USP42: variants seen among roughly 807,000 people sequenced by gnomAD.
USP42 encodes the protein ubiquitin carboxyl-terminal hydrolase 42.
Under a neutral mutation model 113.0 loss-of-function variants are expected in USP42, and 23 were observed. The ratio of observed to expected loss-of-function variants is 0.20; its 90% CI spans 0.15 to 0.29. The LOEUF (loss-of-function observed/expected upper bound fraction) is 0.29, where lower values mean the gene tolerates loss of function less well. Among genes scored for constraint, USP42 ranks in the 10% least tolerant of loss-of-function variants. The pLI, the probability that USP42 is intolerant of heterozygous loss-of-function variation, is 1.00. For synonymous variants in USP42, 933 were observed against 699.0 expected, an observed-to-expected ratio of 1.33 and a Z score of -5.28; for missense variants, 2,174 against 1,779.8, an observed-to-expected ratio of 1.22 and a Z score of -3.99.
chr7:6,135,978 A>G (rs1161675724), intron 4 of USP42, 27 bp downstream of exon 4: 5 of 1,103,520 alleles, frequency 4.5e-6, no homozygotes, highest in Non-Finnish European at 6.3e-6. Context: ...GTAGTTTTAT[A>G]TTTGTATTTA....
intron 1 of USP42, 125 bp from the exon 2 acceptor site, chr7:6,111,000 A>T: frequency 1.1e-6 from 1 of 942,442 alleles, no homozygotes; most frequent in South Asian, 1.9e-5. Context: ...TTGTTTTTAT[A>T]TTTGAGTGAT....
chr7:6,142,566 G>C (rs1279575674), intron 7 of USP42, among the ~76,000 whole-genome samples: 1 of 152,058 alleles, frequency 6.6e-6, no homozygotes, highest in East Asian at 1.9e-4. Flanking sequence ...ATATCTTTGA[G>C]TCTTCTGTTC....
Position 6,154,239 on chromosome 7 carries a change from C to A in USP42, c.2685C>A (p.Ala895=). 2 of 1,605,302 alleles carry A rather than the reference C, an allele frequency of 1.2e-6. No individual in the cohort carries two copies. The highest frequency in any genetic ancestry group is 2.2e-5 in the South Asian group (2 of 90,648). The stretch of plus-strand genomic sequence containing the variant: ...CCCAGAGCTTGGGCGCACCCGAGGC[C>A]GCAGAGCGGCCGCCAGCTCCTGTGC... ...DPSQSLGAPE[A]AERPPAPVLD... Residue 895 remains alanine (A), a synonymous_variant, in exon 15 of 18, where the codon GCC becomes GCA. Coordinates refer to ENST00000306177, the MANE Select transcript of USP42 (RefSeq NM_032172.3).
At chr7:6,106,314 G>A (rs1395865289) in intron 1 of USP42, among the ~76,000 whole-genome samples, 1 of 152,132 alleles carries the variant, frequency 6.6e-6, no homozygotes. Flanking sequence ...CATTGTTTAC[G>A]AAGAAGCAGA....
chr7:6,131,652 G>T (rs1250671871), intron 3 of USP42, among the ~76,000 whole-genome samples: 1 of 152,090 alleles, frequency 6.6e-6, no homozygotes, highest in African/African-American at 2.4e-5. Flanking sequence ...GCAGTTGTTG[G>T]GGCTTCCAGG....
chr7:6,087,406 A>G, the USP42 span, among the ~76,000 whole-genome samples: 28 of 136,876 alleles, frequency 2.0e-4, 1 homozygote, highest in East Asian at 6.0e-3. Flanking sequence ...GTGTGATCAT[A>G]GCTCACTGTA....
chr7:6,114,668 ATATATATATATTTTTTT>A (rs1434210094), intron 2 of USP42, among the ~76,000 whole-genome samples: 3 of 38,610 alleles, frequency 7.8e-5, no homozygotes. Context: ...ATATATATAT[ATATATATATATTTTTTT>A]TTTTTTTTTT....
chr7:6,152,507 G>C (rs745311841), intron 14 of USP42, among the ~76,000 whole-genome samples: 50 of 152,144 alleles, frequency 3.3e-4, no homozygotes, highest in Non-Finnish European at 6.0e-4. Flanking sequence ...CCCCCGGCGG[G>C]TGGGAGTGCC....
chr7:6,120,442 A>G (rs367643420), intron 3 of USP42, among the ~76,000 whole-genome samples: 1 of 151,110 alleles, frequency 6.6e-6, no homozygotes, highest in African/African-American at 2.4e-5. Context: ...GGGGTTTCAC[A>G]GTGTTGGCCA....
chr7:6,151,646 T>C (rs1782057280), intron 14 of USP42, among the ~76,000 whole-genome samples: 1 of 152,190 alleles, frequency 6.6e-6, no homozygotes, highest in Non-Finnish European at 1.5e-5. Flanking sequence ...TTTTACCATG[T>C]TGGTCAGGCT....
intron 12 of USP42, among the ~76,000 whole-genome samples, chr7:6,149,153 C>T (rs1781890000): frequency 6.6e-6 from 1 of 152,124 alleles, no homozygotes; most frequent in South Asian, 2.1e-4. Context: ...TGAGTGGCGG[C>T]TGAAGCAGCC....
rs1156377878 is a variant in USP42 at position 6,154,171 on chromosome 7, G to A, written c.2617G>A (p.Val873Ile). ...SEEPCEQPLL[V>I]HPSGDHARDA... ...GGAGCCCTGCGAGCAGCCACTCCTT[G>A]TTCACCCCAGCGGGGACCACGCCCG... The change falls in exon 15 of 18, where the codon GTT becomes ATT. Residue 873 changes from valine to isoleucine, a missense_variant. By Grantham distance (29) the Val-to-Ile change is conservative. Transcript: ENST00000306177. 1 of 1,596,908 alleles carries A rather than the reference G, an allele frequency of 6.3e-7. No individual in the cohort carries two copies. The highest frequency in any genetic ancestry group is 1.1e-5 in the South Asian group (1 of 90,508).
intron 15 of USP42, among the ~76,000 whole-genome samples, chr7:6,156,371 G>C (rs2128524989): frequency 1.3e-5 from 2 of 152,308 alleles, no homozygotes; most frequent in Middle Eastern, 6.8e-3. Flanking sequence ...GAAAGCTGAA[G>C]CAGAGATGGG....
chr7:6,082,442 T>C, the USP42 span, among the ~76,000 whole-genome samples: 2 of 144,972 alleles, frequency 1.4e-5, no homozygotes, highest in Non-Finnish European at 3.0e-5. Context: ...TGGGTATTTA[T>C]CCACCTAAAC....
At chr7:6,107,865 T>A (rs7788049) in intron 1 of USP42, among the ~76,000 whole-genome samples, 69,125 of 152,024 alleles carry the variant, frequency 0.45, 19,277 homozygotes, top group African/African-American at 0.77. Context: ...TTGATTTAAA[T>A]TTTCAATTCA....
chr7:6,129,995 T>C (rs1291174849), intron 3 of USP42, among the ~76,000 whole-genome samples: 2 of 152,194 alleles, frequency 1.3e-5, no homozygotes, highest in African/African-American at 4.8e-5. Context: ...TAAAACAATT[T>C]TGTTTTTTGA....
At chr7:6,141,680 T>A (rs546576349) in intron 7 of USP42, among the ~76,000 whole-genome samples, 1 of 152,178 alleles carries the variant, frequency 6.6e-6, no homozygotes, top group South Asian at 2.1e-4. Flanking sequence ...TGTCTCAGCC[T>A]CCCTAGTAGC....
rs1222996214 is a variant in USP42, at chr7:6,135,951, C to T, written c.553C>T (p.Arg185Cys). The change falls in exon 4 of 18, where the codon CGT becomes TGT. Residue 185 changes from arginine (R) to cysteine (C), a missense_variant and splice_region_variant. Transcript: ENST00000306177. ...AATGTTTGTCATCAATGAGATGCGG[C>T]GTAAGTATTAACTATTGTAGTTTTA... ...KPMFVINEMRRIARHFRFGNQ... is the reference protein window; with the variant it reads ...KPMFVINEMRCIARHFRFGNQ... 5.8e-6 allele frequency: 9 copies of T among 1,558,732 alleles called. No homozygotes were observed. The highest frequency in any genetic ancestry group is 1.2e-5 in the South Asian group (1 of 86,082).
Position 6,145,506 on chromosome 7 carries a change from T to G in USP42, c.991-10T>G. On this transcript the variant is annotated splice_polypyrimidine_tract_variant and intron_variant, in intron 9 of 17. Coordinates refer to ENST00000306177, the MANE Select transcript of USP42 (RefSeq NM_032172.3). ...TCGGAAATGTTTCTCCTGTTTCCAT[T>G]TCCTTCTAGGATGTGAAATACCCTG... 2 of 1,613,956 alleles carry G rather than the reference T, an allele frequency of 1.2e-6. No individual in the cohort carries two copies. The highest frequency in any genetic ancestry group is 1.7e-6 in the Non-Finnish European group (2 of 1,179,842).
Sources: allele counts gnomAD v4.1 joint callset (sites outside exome capture counted in the v4.1 genomes callset), GRCh38; gene constraint gnomAD v4.1.1; transcripts MANE v1.5; gene names NCBI Gene and HGNC (gene_info 2026-07-23, HGNC 2026-07-21).